WDR27: variants seen among roughly 807,000 people sequenced by gnomAD.
The protein encoded by WDR27 is WD repeat domain 27, also known as WD repeat-containing protein 27.
Under a neutral mutation model 114.4 loss-of-function variants are expected in WDR27, and 100 were observed. The observed-to-expected ratio is 0.87, with a 90% CI of 0.74 to 1.03. The LOEUF is 1.03. Among genes scored for constraint, WDR27 ranks in the 50% least tolerant of loss-of-function variants. The probability of loss-of-function intolerance (pLI) is 0.00; values close to 1 mark genes in which losing one functional copy is unlikely to be tolerated. For synonymous variants in WDR27, 449 were observed against 423.1 expected, an observed-to-expected ratio of 1.06 and a Z score of -0.75; for missense variants, 1,129 against 1,092.9, an observed-to-expected ratio of 1.03 and a Z score of -0.47.
chr6:169,439,137 C>T, the WDR27 span, among the ~76,000 whole-genome samples: 16 of 151,992 alleles, frequency 1.1e-4, no homozygotes, highest in South Asian at 4.2e-4. Context: ...GATGCTTATT[C>T]GATGGGTTGT....
intron 17 of WDR27, among the ~76,000 whole-genome samples, 168 bp from the exon 18 acceptor site, chr6:169,638,828 G>A (rs1818391901): frequency 6.6e-6 from 1 of 152,238 alleles, no homozygotes; most frequent in East Asian, 1.9e-4. Flanking sequence ...CAGAGCCTGA[G>A]GCAGGGTGCA....
intron 25 of WDR27, among the ~76,000 whole-genome samples, chr6:169,529,107 T>C (rs1177223895): frequency 6.6e-6 from 1 of 152,140 alleles, no homozygotes; most frequent in Non-Finnish European, 1.5e-5. Flanking sequence ...ATGAATCAGA[T>C]AAATTATGGT....
At chr6:169,487,007 G>A (rs747061565) in intron 25 of WDR27, among the ~76,000 whole-genome samples, 14 of 152,132 alleles carry the variant, frequency 9.2e-5, no homozygotes, top group African/African-American at 1.4e-4. Context: ...GGGTACTGGA[G>A]GGCAGCACAG....
At chr6:169,466,786 T>G (rs1363522716) in intron 25 of WDR27, among the ~76,000 whole-genome samples, 1 of 152,166 alleles carries the variant, frequency 6.6e-6, no homozygotes, top group Admixed American at 6.5e-5. Context: ...TCCTCCCAAA[T>G]CTCATGTCTT....
intron 25 of WDR27, among the ~76,000 whole-genome samples, chr6:169,475,388 A>G (rs1463093880): frequency 2.0e-5 from 3 of 151,950 alleles, no homozygotes; most frequent in Admixed American, 6.6e-5. Flanking sequence ...ATACCTGGCT[A>G]ATTTTTGTAT....
intron 25 of WDR27, among the ~76,000 whole-genome samples, chr6:169,508,947 C>T (rs993354214): frequency 6.6e-6 from 1 of 152,190 alleles, no homozygotes; most frequent in African/African-American, 2.4e-5. Context: ...CACATGGCTC[C>T]ATAGCAGTCA....
chr6:169,597,596 C>T (rs1807059553), intron 23 of WDR27, among the ~76,000 whole-genome samples: 1 of 152,088 alleles, frequency 6.6e-6, no homozygotes, highest in African/African-American at 2.4e-5. Context: ...GGAATTCCCA[C>T]CCTACTAGCA....
At chr6:169,616,617 C>T (rs1169079543) in intron 21 of WDR27, among the ~76,000 whole-genome samples, 1 of 152,090 alleles carries the variant, frequency 6.6e-6, no homozygotes, top group Non-Finnish European at 1.5e-5. Context: ...AATTTAAACA[C>T]AATTAACAAG....
At chr6:169,542,107 G>A (rs1345646459) in intron 25 of WDR27, among the ~76,000 whole-genome samples, 2 of 152,138 alleles carry the variant, frequency 1.3e-5, no homozygotes, top group Admixed American at 1.3e-4. Context: ...TTTTAAAGGT[G>A]AGTTTAAGGA....
the WDR27 span, among the ~76,000 whole-genome samples, chr6:169,450,060 T>C: frequency 7.9e-5 from 12 of 152,364 alleles, no homozygotes; most frequent in Admixed American, 2.0e-4. Flanking sequence ...TCTATTCTTT[T>C]GCAATTATAC....
At chr6:169,624,149 G>A (rs1018025919) in intron 21 of WDR27, among the ~76,000 whole-genome samples, 10 of 124,572 alleles carry the variant, frequency 8.0e-5, no homozygotes, top group East Asian at 1.0e-3. Flanking sequence ...TGTGCCGTGT[G>A]GGGCGTCAGG....
chr6:169,482,311 C>T lies in WDR27; in HGVS notation c.2646-24677G>A, dbSNP rs143144673. 4.7e-3 allele frequency among the ~76,000 whole-genome samples: 711 copies of T among 152,260 alleles called. 7 individuals are homozygous for T. Among genetic ancestry groups the T allele is most frequent in the East Asian group, 0.03 (154 of 5,180 alleles). On this transcript the variant is annotated intron_variant, in intron 25 of 25. Transcript: ENST00000448612. Reference sequence around the variant, plus strand: ...TAATTTATATTCCTTTGGGTATATACCAAGTAATGGGATTGCTAGGTTGAA... The same window carrying T: ...TAATTTATATTCCTTTGGGTATATATCAAGTAATGGGATTGCTAGGTTGAA...
chr6:169,680,812 CA>C (rs1781328734), intron 2 of WDR27, among the ~76,000 whole-genome samples: 1 of 151,956 alleles, frequency 6.6e-6, no homozygotes, highest in African/African-American at 2.4e-5. Flanking sequence ...TACCAGGGAT[CA>C]AAAAACAGTA....
intron 25 of WDR27, among the ~76,000 whole-genome samples, chr6:169,546,908 C>T (rs1797522691): frequency 6.6e-6 from 1 of 151,930 alleles, no homozygotes; most frequent in Non-Finnish European, 1.5e-5. Flanking sequence ...GAGCTCTTGA[C>T]TATGTTCTCA....
chr6:169,669,345 G>A (rs967519723), intron 4 of WDR27, among the ~76,000 whole-genome samples: 21 of 152,182 alleles, frequency 1.4e-4, no homozygotes, highest in African/African-American at 5.1e-4. Context: ...CTAAGGAAGC[G>A]TGGGGAGGAT....
chr6:169,465,235 G>T (rs1164321632), intron 25 of WDR27, among the ~76,000 whole-genome samples: 1 of 136,438 alleles, frequency 7.3e-6, no homozygotes, highest in Non-Finnish European at 1.5e-5. Context: ...TCCAGCCTGG[G>T]CAACAAGAGC....
rs115008868 is a variant in WDR27, at chr6:169,463,299, C to T, written c.2646-5665G>A. On this transcript the variant is annotated intron_variant, in intron 25 of 25. Coordinates refer to ENST00000448612, the MANE Select transcript of WDR27 (RefSeq NM_182552.5). ...ACCAATCTCACCCATACGGATGAAG[C>T]TCTCATAAGCTAGGCACTTCTTAAA... 4.7e-3 allele frequency among the ~76,000 whole-genome samples: 715 copies of T among 152,300 alleles called. 6 individuals are homozygous for T. Among genetic ancestry groups the T allele is most frequent in the East Asian group, 0.03 (154 of 5,188 alleles).
At chr6:169,617,335 G>A (rs1006226309) in intron 21 of WDR27, among the ~76,000 whole-genome samples, 2 of 152,194 alleles carry the variant, frequency 1.3e-5, no homozygotes, top group African/African-American at 4.8e-5. Flanking sequence ...GTTCAATCAA[G>A]TGTGACTTTT....
intron 23 of WDR27, among the ~76,000 whole-genome samples, chr6:169,600,842 T>C (rs9371152): frequency 0.56 from 85,960 of 152,150 alleles, 26,980 homozygotes; most frequent in Non-Finnish European, 0.69. Flanking sequence ...GTCTGATTGG[T>C]GTACCTGAAA....
Sources: allele counts gnomAD v4.1 joint callset (sites outside exome capture counted in the v4.1 genomes callset), GRCh38; gene constraint gnomAD v4.1.1; transcripts MANE v1.5; gene names NCBI Gene and HGNC (gene_info 2026-07-23, HGNC 2026-07-21).